The following SDHC variants were observed in gnomAD, a reference collection of about 807,000 sequenced individuals.
SDHC encodes the protein succinate dehydrogenase cytochrome b560 subunit, mitochondrial.
In SDHC, 11 loss-of-function variants were observed where a neutral mutation model predicts 22.6. That is an observed-to-expected ratio of 0.49 (90% CI 0.31 to 0.81). The LOEUF (loss-of-function observed/expected upper bound fraction) is 0.81, where lower values mean the gene tolerates loss of function less well. Among genes scored for constraint, SDHC ranks in the 30% least tolerant of loss-of-function variants. The probability of loss-of-function intolerance (pLI) is 0.05; values close to 1 mark genes in which losing one functional copy is unlikely to be tolerated. For missense variants in SDHC, 160 were observed against 212.0 expected (o/e 0.75, Z 1.52); for synonymous variants, 80 against 77.8 (o/e 1.03, Z -0.15).
At chr1:161,333,315 A>G (rs1053476199) in intron 3 of SDHC, among the ~76,000 whole-genome samples, 1 of 152,020 alleles carries the variant, frequency 6.6e-6, no homozygotes, top group Non-Finnish European at 1.5e-5. Flanking sequence ...TTTGTGTACA[A>G]GTTTTTGTGT....
chr1:161,338,858 C>CT (rs200555884), intron 3 of SDHC, among the ~76,000 whole-genome samples: 2,116 of 151,678 alleles, frequency 0.014, 51 homozygotes, highest in African/African-American at 0.048. Flanking sequence ...CTTTCTTTTT[C>CT]TTTTTTTTGA....
chr1:161,337,233 TGAA>T lies in SDHC; in HGVS notation c.180-3355_180-3353del, dbSNP rs536543444. On this transcript the variant is annotated intron_variant, in intron 3 of 5. Coordinates refer to ENST00000367975, the MANE Select transcript of SDHC (RefSeq NM_003001.5). ...TACCTAATGTTCAAACAGGGCCTAG[TGAA>T]GAAGACTTGTCTTTGCTCCATGGTG... 3.6e-3 allele frequency among the ~76,000 whole-genome samples: 542 copies of T among 152,212 alleles called. 3 individuals are homozygous for T. Among genetic ancestry groups the T allele is most frequent in the African/African-American group, 9.3e-3 (385 of 41,538 alleles).
chr1:161,351,392 C>T (rs1041076695), intron 4 of SDHC, among the ~76,000 whole-genome samples: 1 of 152,184 alleles, frequency 6.6e-6, no homozygotes, highest in Admixed American at 6.5e-5. Flanking sequence ...CACTCTGCTA[C>T]ATCATCATTT....
intron 2 of SDHC, 129 bp from the exon 3 acceptor site, chr1:161,328,267 G>A (rs1571851173): frequency 1.7e-5 from 13 of 769,904 alleles, no homozygotes; most frequent in Middle Eastern, 3.7e-4. Flanking sequence ...CTCCCAAAGA[G>A]CTGAGATTAC....
chr1:161,330,443 G>C (rs561893416), intron 3 of SDHC, among the ~76,000 whole-genome samples: 88 of 152,324 alleles, frequency 5.8e-4, no homozygotes, highest in African/African-American at 2.0e-3. Flanking sequence ...GTTCTAACCA[G>C]GTTTGAAATT....
intron 1 of SDHC, among the ~76,000 whole-genome samples, chr1:161,321,782 C>T (rs1426233424): frequency 6.6e-6 from 1 of 152,086 alleles, no homozygotes; most frequent in Non-Finnish European, 1.5e-5. Context: ...ACATCATGAG[C>T]TTTTTTAGAA....
intron 1 of SDHC, among the ~76,000 whole-genome samples, chr1:161,315,750 T>A (rs1670585861): frequency 6.6e-6 from 1 of 152,018 alleles, no homozygotes; most frequent in Admixed American, 6.6e-5. Context: ...GTGTTTCTCG[T>A]TAGGTGGAAC....
chr1:161,362,288 T>C, intron 5 of SDHC, 41 bp from the exon 6 acceptor site: 1 of 1,596,368 alleles, frequency 6.3e-7, no homozygotes, highest in African/African-American at 1.3e-5. Flanking sequence ...TAATGTCCTA[T>C]TTACTGAAAT....
intron 2 of SDHC, 132 bp downstream of exon 2, chr1:161,323,802 T>A (rs1220662297): frequency 1.7e-6 from 1 of 594,292 alleles, no homozygotes; most frequent in Non-Finnish European, 2.9e-6. Context: ...TTCACGCCAT[T>A]CTCCTGCCTC....
intron 4 of SDHC, among the ~76,000 whole-genome samples, chr1:161,347,872 A>G (rs532053782): frequency 1.3e-5 from 2 of 152,042 alleles, no homozygotes; most frequent in Non-Finnish European, 2.9e-5. Context: ...CTCAAAAAAT[A>G]AAAAAAGAAT....
chr1:161,335,965 A>T (rs1671467436), intron 3 of SDHC, among the ~76,000 whole-genome samples: 1 of 151,886 alleles, frequency 6.6e-6, no homozygotes, highest in South Asian at 2.1e-4. Flanking sequence ...GAGCTCTGCT[A>T]CTCTCTTGGG....
chr1:161,331,594 CTT>C (rs376565137), intron 3 of SDHC, among the ~76,000 whole-genome samples: 6 of 132,646 alleles, frequency 4.5e-5, no homozygotes, highest in Non-Finnish European at 1.6e-5. Flanking sequence ...CAGTAAATAT[CTT>C]TTTTTTTTTT....
chr1:161,320,828 A>ATTT (rs71270444), intron 1 of SDHC, among the ~76,000 whole-genome samples: 3 of 127,682 alleles, frequency 2.3e-5, no homozygotes, highest in African/African-American at 3.1e-5. Context: ...TTCAGTCTTG[A>ATTT]TTTTTTTTTT....
At position 161,328,517 on chromosome 1, in the gene SDHC, C is replaced by G; in HGVS notation, c.179+20C>G. 6.6e-7 allele frequency: 1 copy of G among 1,522,896 alleles called. No individual in the cohort carries two copies. The highest frequency in any genetic ancestry group is 9.1e-7 in the Non-Finnish European group (1 of 1,096,850). The allele number at this position is 1,522,896 out of a possible 1,614,324, so 94.3% of individuals were successfully genotyped here. On this transcript the variant is annotated intron_variant, in intron 3 of 5. Coordinates refer to ENST00000367975, the MANE Select transcript of SDHC (RefSeq NM_003001.5). Reference sequence around the variant, plus strand: ...CTACAGGTAAGGAAGGATTCTGGAGCCAGAGAATCTAGAGGTAGTGGGTGA... The same window carrying G: ...CTACAGGTAAGGAAGGATTCTGGAGGCAGAGAATCTAGAGGTAGTGGGTGA...
At chr1:161,358,668 T>C (rs1400615759) in intron 5 of SDHC, among the ~76,000 whole-genome samples, 2 of 151,470 alleles carry the variant, frequency 1.3e-5, no homozygotes, top group Non-Finnish European at 2.9e-5. Context: ...GGTTCACGCC[T>C]GTAATCTCAG....
At chr1:161,343,637 A>G (rs969533922) in intron 4 of SDHC, among the ~76,000 whole-genome samples, 3 of 152,118 alleles carry the variant, frequency 2.0e-5, no homozygotes, top group African/African-American at 7.2e-5. Context: ...ATTCATAATT[A>G]CTTTTATTTC....
chr1:161,346,113 G>A (rs777580726), intron 4 of SDHC, among the ~76,000 whole-genome samples: 1 of 152,022 alleles, frequency 6.6e-6, no homozygotes, highest in Non-Finnish European at 1.5e-5. Context: ...CCAAATCTGC[G>A]TCTTTTATTA....
chr1:161,347,042 G>T (rs1002129892), intron 4 of SDHC, among the ~76,000 whole-genome samples: 2 of 152,148 alleles, frequency 1.3e-5, no homozygotes, highest in East Asian at 1.9e-4. Flanking sequence ...ACAGTTAGTT[G>T]TATATCCACA....
Position 161,331,919 on chromosome 1 carries a change from T to A in SDHC, c.179+3422T>A, listed in dbSNP as rs114223617. ...AACAGTGAATATCTTAATTTTAGTA[T>A]TTTTGCTGGGAAGGCTGAGAATTTC... On this transcript the variant is annotated intron_variant, in intron 3 of 5. Transcript: ENST00000367975. 6.6e-3 allele frequency among the ~76,000 whole-genome samples: 998 copies of A among 152,216 alleles called. 9 individuals are homozygous for A. The highest frequency in any genetic ancestry group is 0.023 in the African/African-American group (949 of 41,532).
Sources: gnomAD v4.1 joint callset for allele counts (sites outside exome capture counted in the v4.1 genomes callset) on GRCh38, gnomAD v4.1.1 for gene constraint, MANE v1.5 for transcripts, NCBI Gene and HGNC (gene_info 2026-07-23, HGNC 2026-07-21) for gene names.